The following PSMA1 variants were observed in gnomAD, a reference collection of about 807,000 sequenced individuals.
PSMA1 encodes proteasome subunit alpha type-1.
PSMA1 carries 3 observed loss-of-function variants against 38.4 expected under a neutral mutation model. The observed-to-expected ratio is 0.08, with a 90% CI of 0.04 to 0.20. The LOEUF (loss-of-function observed/expected upper bound fraction) is 0.20, where lower values mean the gene tolerates loss of function less well. PSMA1 is among the 10% of genes least tolerant of loss of function. PSMA1 has a pLI of 1.00. For synonymous variants in PSMA1, 101 were observed against 107.1 expected (o/e 0.94, Z 0.35); for missense variants, 227 against 325.3 (o/e 0.70, Z 2.32).
intron 2 of PSMA1, among the ~76,000 whole-genome samples, chr11:14,552,200 C>T (rs191968834): frequency 1.3e-5 from 2 of 152,216 alleles, no homozygotes; most frequent in East Asian, 1.9e-4. Flanking sequence ...ATTGGAGTGC[C>T]CATGGAGGCT....
At chr11:14,537,796 T>C (rs1851727401) in intron 2 of PSMA1, among the ~76,000 whole-genome samples, 1 of 150,114 alleles carries the variant, frequency 6.7e-6, no homozygotes, top group South Asian at 2.1e-4. Context: ...GCAACTTCCA[T>C]CTCCCAGGTT....
At chr11:14,530,678 C>T (rs892891658) in intron 2 of PSMA1, among the ~76,000 whole-genome samples, 2 of 152,024 alleles carry the variant, frequency 1.3e-5, no homozygotes, top group Non-Finnish European at 2.9e-5. Context: ...CCAAGACGGG[C>T]AGATCATGAG....
chr11:14,513,484 T>G, intron 7 of PSMA1, 86 bp downstream of exon 7: 1 of 1,234,590 alleles, frequency 8.1e-7, no homozygotes, highest in Non-Finnish European at 1.0e-6. Flanking sequence ...ACTTACAGTT[T>G]TATGCATTTA....
intron 2 of PSMA1, among the ~76,000 whole-genome samples, chr11:14,594,690 T>C (rs1852464114): frequency 6.6e-6 from 1 of 152,238 alleles, no homozygotes; most frequent in Admixed American, 6.5e-5. Flanking sequence ...TGTTAGCTTC[T>C]AGTTATCATT....
intron 1 of PSMA1, among the ~76,000 whole-genome samples, chr11:14,631,538 C>T (rs377653416): frequency 1.3e-5 from 2 of 152,108 alleles, no homozygotes; most frequent in African/African-American, 2.4e-5. Flanking sequence ...AGATAGTTTG[C>T]TATAATTTCT....
intron 1 of PSMA1, among the ~76,000 whole-genome samples, chr11:14,633,834 C>A (rs1853071746): frequency 6.6e-6 from 1 of 152,194 alleles, no homozygotes; most frequent in Non-Finnish European, 1.5e-5. Context: ...GGGATATAAT[C>A]TCGTGATGCG....
At chr11:14,592,024 G>C (rs1852422111) in intron 2 of PSMA1, among the ~76,000 whole-genome samples, 1 of 151,520 alleles carries the variant, frequency 6.6e-6, no homozygotes, top group Non-Finnish European at 1.5e-5. Flanking sequence ...AGCCCACCGG[G>C]AGGAAGGAAC....
chr11:14,573,341 T>A (rs1852170874), intron 2 of PSMA1, among the ~76,000 whole-genome samples: 1 of 152,194 alleles, frequency 6.6e-6, no homozygotes, highest in South Asian at 2.1e-4. Flanking sequence ...GTCCCTGGGA[T>A]GTAAGGCTGG....
chr11:14,636,177 T>TA (rs1853110924), intron 1 of PSMA1, among the ~76,000 whole-genome samples: 2 of 152,194 alleles, frequency 1.3e-5, no homozygotes, highest in South Asian at 4.1e-4. Context: ...AAATAAGTGT[T>TA]AATTCATTCC....
rs140528167 is a variant in PSMA1 at position 14,590,823 on chromosome 11, T to G, written c.21+20143A>C. Among the ~76,000 whole-genome samples, 9 of 152,320 alleles carry G rather than the reference T, an allele frequency of 5.9e-5. No individual in the cohort carries two copies. In the East Asian group the frequency reaches 1.7e-3, roughly 29 times the overall value. On this transcript the variant is annotated intron_variant, in intron 2 of 10. Coordinates refer to the PSMA1 transcript ENST00000418988. ...CGGGACGAGGCCATACTTCACATCT[T>G]CTCTCACAGACTCACAATTAGGCAA...
chr11:14,615,185 C>T (rs1331366366), intron 1 of PSMA1, among the ~76,000 whole-genome samples: 2 of 152,220 alleles, frequency 1.3e-5, no homozygotes, highest in African/African-American at 4.8e-5. Context: ...CCTACTTATC[C>T]TTCAGTGCCT....
At chr11:14,599,776 T>A (rs1852555691) in intron 2 of PSMA1, among the ~76,000 whole-genome samples, 1 of 152,214 alleles carries the variant, frequency 6.6e-6, no homozygotes. Context: ...CCAGCTTTGT[T>A]CCGTTGCTGG....
intron 2 of PSMA1, among the ~76,000 whole-genome samples, chr11:14,605,532 C>T (rs1414236445): frequency 6.6e-6 from 1 of 152,024 alleles, no homozygotes; most frequent in African/African-American, 2.4e-5. Context: ...TACAGGCATG[C>T]AACACCATGC....
At chr11:14,618,330 G>T (rs1392227997) in intron 1 of PSMA1, among the ~76,000 whole-genome samples, 1 of 152,164 alleles carries the variant, frequency 6.6e-6, no homozygotes, top group Non-Finnish European at 1.5e-5. Context: ...ACTAACATCT[G>T]TTTGAACCAC....
intron 5 of PSMA1, 171 bp downstream of exon 5, chr11:14,514,232 T>C (rs1416973663): frequency 1.5e-6 from 2 of 1,364,122 alleles, no homozygotes; most frequent in Non-Finnish European, 1.9e-6. Flanking sequence ...CTTATTTGTG[T>C]CTAGCAAATA....
intron 2 of PSMA1, among the ~76,000 whole-genome samples, chr11:14,594,449 T>C (rs1301847390): frequency 6.6e-6 from 1 of 152,178 alleles, no homozygotes; most frequent in African/African-American, 2.4e-5. Context: ...ATTTCCATCA[T>C]GTCTAGACCA....
At position 14,552,761 on chromosome 11, in the gene PSMA1, T is replaced by A. The variant is rs529399528; in HGVS notation, c.22-33720A>T. ...CTAATTTTATACAATACACAGTTTG[T>A]TAAATAAAGGTAAACTTTAATCCCT... On this transcript the variant is annotated intron_variant, in intron 2 of 10. Coordinates refer to the PSMA1 transcript ENST00000418988. 2.3e-4 allele frequency among the ~76,000 whole-genome samples: 35 copies of A among 152,202 alleles called. No individual in the cohort carries two copies. The South Asian group carries it at 7.3e-3, about 32-fold the overall frequency.
chr11:14,625,963 C>T (rs1032963237), intron 1 of PSMA1, among the ~76,000 whole-genome samples: 24 of 152,152 alleles, frequency 1.6e-4, no homozygotes, highest in Admixed American at 2.6e-4. Context: ...TTAGAATCTA[C>T]CTCCTGTACT....
chr11:14,521,874 C>T (rs1851535526), upstream of PSMA1, among the ~76,000 whole-genome samples: 1 of 151,878 alleles, frequency 6.6e-6, no homozygotes, highest in Non-Finnish European at 1.5e-5. Context: ...TTCATCAACA[C>T]TGGTTATTGT....
Sources: allele counts gnomAD v4.1 joint callset (sites outside exome capture counted in the v4.1 genomes callset), GRCh38; gene constraint gnomAD v4.1.1; transcripts MANE v1.5; gene names NCBI Gene and HGNC (gene_info 2026-07-23, HGNC 2026-07-21).